The following COL4A4 variants were observed in gnomAD, a reference collection of about 807,000 sequenced individuals.
COL4A4 encodes collagen alpha-4(IV) chain.
COL4A4 carries 105 observed loss-of-function variants against 192.9 expected under a neutral mutation model. The ratio of observed to expected loss-of-function variants is 0.54; its 90% CI spans 0.46 to 0.64. The LOEUF (loss-of-function observed/expected upper bound fraction) is 0.64. COL4A4 is among the 30% of genes least tolerant of loss of function. COL4A4 has a pLI of 0.00. For synonymous variants in COL4A4, 762 were observed against 769.9 expected, an observed-to-expected ratio of 0.99 and a Z score of 0.17; for missense variants, 1,967 against 2,169.3, an observed-to-expected ratio of 0.91 and a Z score of 1.85.
At chr2:227,104,528 G>A (rs1651307942) in intron 12 of COL4A4, among the ~76,000 whole-genome samples, 1 of 151,050 alleles carries the variant, frequency 6.6e-6, no homozygotes, top group African/African-American at 2.4e-5. Flanking sequence ...CTTGCAGTGA[G>A]CAGAGATTGT....
intron 5 of COL4A4, 161 bp downstream of exon 5, chr2:227,120,853 C>T (rs749721701): frequency 2.5e-5 from 20 of 816,078 alleles, no homozygotes; most frequent in African/African-American, 3.4e-5. Flanking sequence ...GTGGGAGGCT[C>T]GCTTGAACCT....
chr2:227,098,635 C>T, intron 19 of COL4A4, 59 bp downstream of exon 19: 1 of 1,279,246 alleles, frequency 7.8e-7, no homozygotes, highest in Admixed American at 1.7e-5. Context: ...GCTACTGGTG[C>T]TGATGATGAT....
chr2:227,137,757 C>A (rs776017528), intron 4 of COL4A4, among the ~76,000 whole-genome samples: 1 of 152,090 alleles, frequency 6.6e-6, no homozygotes, highest in Admixed American at 6.6e-5. Flanking sequence ...GTTTTGGGGT[C>A]GGCTCATCTC....
intron 44 of COL4A4, among the ~76,000 whole-genome samples, chr2:227,015,339 C>CCAG (rs1281281942): frequency 2.0e-5 from 3 of 152,144 alleles, no homozygotes; most frequent in Non-Finnish European, 4.4e-5. Context: ...AGTTACTGGA[C>CCAG]CAGCAGCAGC....
At chr2:227,041,848 G>GAGAAAGAAAAAAAGAA (rs1971309651) in intron 37 of COL4A4, among the ~76,000 whole-genome samples, 1 of 38,692 alleles carries the variant, frequency 2.6e-5, no homozygotes, top group African/African-American at 1.2e-4. Flanking sequence ...AAGAAAGAAA[G>GAGAAAGAAAAAAAGAA]AGAAAGAAAG....
chr2:227,018,607 C>G (rs1965397336), intron 44 of COL4A4, among the ~76,000 whole-genome samples: 1 of 152,176 alleles, frequency 6.6e-6, no homozygotes, highest in African/African-American at 2.4e-5. Flanking sequence ...CCCAGGGAAG[C>G]TGGGCCACAT....
chr2:226,995,446 G>C, the COL4A4 span: 1 of 1,611,798 alleles, frequency 6.2e-7, no homozygotes, highest in South Asian at 1.1e-5. Flanking sequence ...ACCAGAAATA[G>C]CCCACCACCC....
chr2:227,038,243 A>G (rs889922485), intron 37 of COL4A4, among the ~76,000 whole-genome samples: 2 of 152,192 alleles, frequency 1.3e-5, no homozygotes, highest in African/African-American at 4.8e-5. Flanking sequence ...TAATTTTTGT[A>G]TAAGGTGTAA....
intron 3 of COL4A4, among the ~76,000 whole-genome samples, chr2:227,142,875 C>T (rs184523811): frequency 6.8e-4 from 103 of 152,042 alleles, no homozygotes; most frequent in Non-Finnish European, 1.2e-3. Context: ...CAAATGGTGC[C>T]AAAGAGTGTA....
intron 3 of COL4A4, among the ~76,000 whole-genome samples, chr2:227,144,003 A>G (rs1468001806): frequency 6.6e-6 from 1 of 152,234 alleles, no homozygotes; most frequent in Admixed American, 6.5e-5. Context: ...GAGTATGAAC[A>G]GATAGGGTTA....
At chr2:227,156,433 C>T (rs191842578) in intron 1 of COL4A4, among the ~76,000 whole-genome samples, 5 of 147,496 alleles carry the variant, frequency 3.4e-5, no homozygotes, top group Non-Finnish European at 7.5e-5. Context: ...GCACACCAGG[C>T]AGACCCCAGG....
At chr2:227,057,774 T>C (rs1313902029) in intron 28 of COL4A4, among the ~76,000 whole-genome samples, 174 bp from the exon 29 acceptor site, 2 of 152,252 alleles carry the variant, frequency 1.3e-5, no homozygotes, top group African/African-American at 2.4e-5. Flanking sequence ...GAGTTCCTTA[T>C]GAACAGAGAA....
At position 227,010,462 on chromosome 2, in the gene COL4A4, A is replaced by G; in HGVS notation, c.4373T>C (p.Phe1458Ser). 1.2e-6 allele frequency: 2 copies of G among 1,606,226 alleles called. No homozygotes were observed. The highest frequency in any genetic ancestry group is 1.7e-6 in the Non-Finnish European group (2 of 1,176,048). ...GAAGCCACCGAGGTATCCAGGGCCA[A>G]ACCCTTTGGGCCCAGGATCCCCAAT... is the stretch of plus-strand genomic sequence containing the variant. The part of the protein sequence containing the change: ...GPIGDPGPKG[F>S]GPGYLGGFLL... Residue 1458 changes from phenylalanine (F) to serine (S), a missense_variant, in exon 46 of 48, where the codon TTT becomes TCT. Phe to Ser is a radical substitution (Grantham distance 155, BLOSUM62 -2). Coordinates refer to ENST00000396625, the MANE Select transcript of COL4A4 (RefSeq NM_000092.5).
chr2:227,027,307 T>C (rs1261203875), intron 42 of COL4A4, among the ~76,000 whole-genome samples: 2 of 151,730 alleles, frequency 1.3e-5, no homozygotes, highest in Non-Finnish European at 2.9e-5. Context: ...TTTTTTTTTT[T>C]TGAGTTCATG....
intron 44 of COL4A4, among the ~76,000 whole-genome samples, chr2:227,014,794 T>C (rs1964522486): frequency 6.6e-6 from 1 of 151,808 alleles, no homozygotes; most frequent in Admixed American, 6.6e-5. Flanking sequence ...CACTGCAGCC[T>C]CCACCTCCCA....
chr2:227,075,219 A>G (rs1479431184), intron 25 of COL4A4, among the ~76,000 whole-genome samples: 1 of 152,176 alleles, frequency 6.6e-6, no homozygotes, highest in East Asian at 1.9e-4. Flanking sequence ...TCAAGCTAAT[A>G]TCCCTGATGA....
chr2:227,092,847 A>C (rs2060012473), intron 20 of COL4A4, among the ~76,000 whole-genome samples: 1 of 152,226 alleles, frequency 6.6e-6, no homozygotes, highest in Admixed American at 6.5e-5. Context: ...GGTGAAAGAA[A>C]GCTAAATTCA....
At chr2:227,114,813 CA>C (rs1448597422) in intron 7 of COL4A4, 117 bp from the exon 8 acceptor site, 2 of 838,656 alleles carry the variant, frequency 2.4e-6, no homozygotes, top group African/African-American at 3.4e-5. Flanking sequence ...ACATGATTAA[CA>C]AGAAGACATT....
chr2:227,120,104 C>A (rs2061696193), intron 5 of COL4A4, among the ~76,000 whole-genome samples, 165 bp from the exon 6 acceptor site: 2 of 152,108 alleles, frequency 1.3e-5, no homozygotes, highest in Non-Finnish European at 2.9e-5. Flanking sequence ...AGAACCAATT[C>A]TTGTGCTTTT....
Sources: allele counts gnomAD v4.1 joint callset (sites outside exome capture counted in the v4.1 genomes callset), GRCh38; gene constraint gnomAD v4.1.1; transcripts MANE v1.5; gene names NCBI Gene and HGNC (gene_info 2026-07-23, HGNC 2026-07-21).